UBXN2A: variants seen among roughly 807,000 people sequenced by gnomAD.
The protein encoded by UBXN2A is UBX domain protein 2A.
UBXN2A carries 28 observed loss-of-function variants against 28.4 expected under a neutral mutation model. The observed-to-expected ratio is 0.99, with a 90% CI of 0.73 to 1.35. UBXN2A has a LOEUF of 1.35. Ranked by LOEUF, UBXN2A falls within the 40% of genes most tolerant of loss-of-function variation. UBXN2A has a pLI of 0.00. For synonymous variants in UBXN2A, 97 were observed against 103.6 expected, an observed-to-expected ratio of 0.94 and a Z score of 0.39; for missense variants, 253 against 297.9, an observed-to-expected ratio of 0.85 and a Z score of 1.11.
At chr2:23,990,855 T>G (rs1708327114) in intron 6 of UBXN2A, among the ~76,000 whole-genome samples, 1 of 152,046 alleles carries the variant, frequency 6.6e-6, no homozygotes, top group Non-Finnish European at 1.5e-5. Flanking sequence ...GATAAAGCTA[T>G]AGAACACATA....
intron 2 of UBXN2A, among the ~76,000 whole-genome samples, chr2:23,965,281 C>T (rs1035893801): frequency 2.0e-5 from 3 of 152,174 alleles, no homozygotes; most frequent in Admixed American, 6.5e-5. Flanking sequence ...ACGCAGCATC[C>T]TTGTCTTGTT....
chr2:23,957,456 C>G (rs1252611225), intron 1 of UBXN2A, among the ~76,000 whole-genome samples: 5 of 152,150 alleles, frequency 3.3e-5, no homozygotes, highest in Admixed American at 3.3e-4. Context: ...GTGCGTACCA[C>G]CACACTTGGC....
rs1254359043 is a variant in UBXN2A, at chr2:24,000,062, C to T, written c.*195C>T. 2.6e-5 allele frequency: 14 copies of T among 539,800 alleles called. No homozygotes were observed. The highest frequency in any genetic ancestry group is 3.5e-5 in the Non-Finnish European group (11 of 312,008). The allele number at this position is 539,800 out of a possible 1,614,324, so 33.4% of individuals were successfully genotyped here. ...ATATGACTGGAAACTATATTCAGTG[C>T]ACTTTCTCCAAAAGACTACCCAGAA... is the stretch of plus-strand genomic sequence containing the variant. On this transcript the variant is annotated 3_prime_UTR_variant, in exon 7 of 7. Transcript: ENST00000309033.
At chr2:23,988,193 C>T (rs1708208169) in intron 6 of UBXN2A, among the ~76,000 whole-genome samples, 1 of 151,894 alleles carries the variant, frequency 6.6e-6, no homozygotes, top group African/African-American at 2.4e-5. Flanking sequence ...AGTCTGATGA[C>T]CCATCACTTG....
At chr2:23,989,863 C>T (rs1708285856) in intron 6 of UBXN2A, among the ~76,000 whole-genome samples, 1 of 152,048 alleles carries the variant, frequency 6.6e-6, no homozygotes, top group Non-Finnish European at 1.5e-5. Context: ...TGTGATTGCA[C>T]CACTGCATTC....
intron 2 of UBXN2A, among the ~76,000 whole-genome samples, chr2:23,959,229 C>T (rs1004497505): frequency 2.6e-5 from 4 of 152,074 alleles, no homozygotes; most frequent in South Asian, 2.1e-4. Context: ...CAGTGGCTCA[C>T]GCCTGTAATC....
intron 3 of UBXN2A, among the ~76,000 whole-genome samples, chr2:23,974,264 G>A (rs796732321): frequency 7.6e-5 from 11 of 145,368 alleles, no homozygotes; most frequent in African/African-American, 2.8e-4. Context: ...TGATCCGCCC[G>A]CCTCAGCCTC....
chr2:24,000,091 TAG>T lies in UBXN2A; in HGVS notation c.*226_*227del, dbSNP rs149482799. On this transcript the variant is annotated 3_prime_UTR_variant, in exon 7 of 7. Coordinates refer to ENST00000309033, the MANE Select transcript of UBXN2A (RefSeq NM_181713.4). Reference sequence around the variant, plus strand: ...TTCTCCAAAAGACTACCCAGAAAAATAGACTTATTTTCAAATACCAGTTATCA... The same window carrying T: ...TTCTCCAAAAGACTACCCAGAAAAATACTTATTTTCAAATACCAGTTATCA... 8.7e-3 allele frequency: 4,212 copies of T among 486,314 alleles called. 170 individuals are homozygous for T. The highest frequency in any genetic ancestry group is 0.075 in the African/African-American group (3,826 of 51,310). 30.1% of individuals were successfully genotyped at this position (486,314 alleles called of 1,614,324 possible).
intron 1 of UBXN2A, chr2:23,944,231 G>C: frequency 6.3e-7 from 1 of 1,594,190 alleles, no homozygotes; most frequent in Non-Finnish European, 8.6e-7. Context: ...ATCATACCTG[G>C]AATGGGATCC....
At chr2:23,932,683 T>C (rs1269228097) in intron 1 of UBXN2A, among the ~76,000 whole-genome samples, 4 of 152,146 alleles carry the variant, frequency 2.6e-5, no homozygotes, top group African/African-American at 9.7e-5. Flanking sequence ...TAGACTTGAG[T>C]CAAAAGTGAT....
chr2:23,943,776 C>T (rs1705888819), intron 1 of UBXN2A: 1 of 231,220 alleles, frequency 4.3e-6, no homozygotes, highest in Admixed American at 4.9e-5. Flanking sequence ...CAGGCTTAAA[C>T]CACCGTGCCC....
intron 4 of UBXN2A, among the ~76,000 whole-genome samples, chr2:23,979,519 C>A (rs1000483342): frequency 6.6e-6 from 1 of 152,000 alleles, no homozygotes. Flanking sequence ...TTGAATATAT[C>A]TGAGTATTAT....
At chr2:23,963,957 C>T (rs1707048775) in intron 2 of UBXN2A, among the ~76,000 whole-genome samples, 1 of 151,968 alleles carries the variant, frequency 6.6e-6, no homozygotes, top group Admixed American at 6.6e-5. Flanking sequence ...AGTGAGAACT[C>T]ATCTCTACAA....
chr2:23,984,860 T>A (rs750720966), intron 6 of UBXN2A, 29 bp downstream of exon 6: 25 of 1,531,826 alleles, frequency 1.6e-5, no homozygotes, highest in Non-Finnish European at 2.1e-5. Context: ...TATTTGATAT[T>A]TTTTCACCAA....
intron 4 of UBXN2A, among the ~76,000 whole-genome samples, chr2:23,982,516 TG>T (rs1707954852): frequency 6.6e-6 from 1 of 151,238 alleles, no homozygotes; most frequent in Admixed American, 6.6e-5. Flanking sequence ...TCATGCTGGT[TG>T]GGGGGCAGTG....
chr2:23,984,681 C>A lies in UBXN2A; in HGVS notation c.434C>A (p.Pro145Gln). The A allele has an allele frequency of 6.6e-7, 1 of 1,518,568 alleles. No homozygotes were observed. The highest frequency in any genetic ancestry group is 8.8e-7 in the Non-Finnish European group (1 of 1,142,538). The allele number at this position is 1,518,568 out of a possible 1,614,324, so 94.1% of individuals were successfully genotyped here. A position where few individuals can be genotyped will look rare whatever the true frequency, so the allele number is the denominator to read the frequency against. ...GQGHRLGSAT[P>Q]KIVSKAKNIE... ...TGTCTGGATTTCCTTAGTGCCACAC[C>A]AAAAATTGTTTCTAAAGCAAAGAAT... The change falls in exon 6 of 7, where the codon CCA becomes CAA. Residue 145 changes from proline to glutamine, a missense_variant. Coordinates refer to ENST00000309033, the MANE Select transcript of UBXN2A (RefSeq NM_181713.4).
rs1252769196 is a variant in UBXN2A at position 23,940,613 on chromosome 2, C to G, written c.-50C>G. 3.3e-5 allele frequency: 5 copies of G among 151,510 alleles called. No individual in the cohort carries two copies. The highest frequency in any genetic ancestry group is 6.6e-5 in the Admixed American group (1 of 15,182). The allele number at this position is 151,510 out of a possible 1,614,324, so 9.4% of individuals were successfully genotyped here. ...CCAAACGGTGCCTGCGGTGCCTGAG[C>G]TGAGTGAGGCCGAGGCCGGGAGGCC... On this transcript the variant is annotated 5_prime_UTR_variant, in exon 1 of 7. Coordinates refer to ENST00000309033, the MANE Select transcript of UBXN2A (RefSeq NM_181713.4).
chr2:23,997,666 T>C (rs939968940), intron 6 of UBXN2A, among the ~76,000 whole-genome samples: 5 of 151,786 alleles, frequency 3.3e-5, no homozygotes, highest in African/African-American at 9.7e-5. Flanking sequence ...CAGGATGGTC[T>C]CAGTCTCTTG....
intron 5 of UBXN2A, among the ~76,000 whole-genome samples, 196 bp downstream of exon 5, chr2:23,983,229 G>T (rs139133481): frequency 0.011 from 1,638 of 152,264 alleles, 18 homozygotes; most frequent in Middle Eastern, 0.037. Context: ...TGCCTGGCCA[G>T]GCATAGTGGC....
Sources: gnomAD v4.1 joint callset for allele counts (sites outside exome capture counted in the v4.1 genomes callset) on GRCh38, gnomAD v4.1.1 for gene constraint, MANE v1.5 for transcripts, NCBI Gene and HGNC (gene_info 2026-07-23, HGNC 2026-07-21) for gene names.